The following CEP112 variants were observed in gnomAD, a reference collection of about 807,000 sequenced individuals.
CEP112 encodes the protein centrosomal protein 112.
Under a neutral mutation model 153.0 loss-of-function variants are expected in CEP112, and 127 were observed. That is an observed-to-expected ratio of 0.83 (90% CI 0.72 to 0.96). CEP112 has a LOEUF of 0.96. CEP112 is among the 40% of genes least tolerant of loss of function. The pLI is 0.00. For synonymous variants in CEP112, 358 were observed against 374.4 expected, an observed-to-expected ratio of 0.96 and a Z score of 0.51; for missense variants, 1,089 against 1,101.2, an observed-to-expected ratio of 0.99 and a Z score of 0.16.
intron 21 of CEP112, among the ~76,000 whole-genome samples, chr17:65,753,842 TAG>T (rs1285679992): frequency 1.3e-5 from 2 of 152,218 alleles, no homozygotes; most frequent in Non-Finnish European, 2.9e-5. Context: ...CTAAAAATGC[TAG>T]AGTCACGGAT....
At chr17:65,855,870 C>G (rs975914969) in intron 20 of CEP112, among the ~76,000 whole-genome samples, 1 of 152,086 alleles carries the variant, frequency 6.6e-6, no homozygotes, top group East Asian at 1.9e-4. Context: ...TCAAGACCAG[C>G]CTTGGCAATA....
chr17:66,057,125 T>C (rs186322206), intron 11 of CEP112, among the ~76,000 whole-genome samples: 7 of 152,268 alleles, frequency 4.6e-5, no homozygotes, highest in Admixed American at 3.9e-4. Context: ...ACCAGATTTG[T>C]GTTTGTGAAA....
Position 66,191,308 on chromosome 17 carries a change from G to A in CEP112, c.-9+689C>T, listed in dbSNP as rs1281016996. Among the ~76,000 whole-genome samples the A allele has an allele frequency of 6.6e-6, 1 of 152,160 alleles. No individual in the cohort carries two copies. Among genetic ancestry groups the A allele is most frequent in the Non-Finnish European group, 1.5e-5 (1 of 68,038 alleles). ...TGTGGAGAGGCTCATGGAATTTAAT[G>A]TGCCTTTTCTATCTTATTTTGACTC... On this transcript the variant is annotated intron_variant, in intron 1 of 26. Coordinates refer to ENST00000535342, the MANE Select transcript of CEP112 (RefSeq NM_001199165.4). This position sits in a 1 kb window ranked among gnomAD's most constrained non-coding sequence, Gnocchi z 4.2.
chr17:66,052,784 T>TA (rs34526677), intron 12 of CEP112, among the ~76,000 whole-genome samples: 5 of 151,478 alleles, frequency 3.3e-5, no homozygotes, highest in Admixed American at 1.3e-4. Context: ...GTCTTCCATT[T>TA]AAAAAAAAAT....
intron 18 of CEP112, among the ~76,000 whole-genome samples, chr17:65,933,212 A>G (rs1448412186): frequency 3.9e-5 from 6 of 152,144 alleles, no homozygotes; most frequent in Admixed American, 2.0e-4. Flanking sequence ...TAACTTTCAC[A>G]TAATAGGAGA....
At chr17:65,916,540 T>A (rs1028212790) in intron 19 of CEP112, among the ~76,000 whole-genome samples, 91 of 142,394 alleles carry the variant, frequency 6.4e-4, no homozygotes, top group African/African-American at 2.0e-3. Context: ...AAACAGCTTC[T>A]TTTTTTTTTT....
intron 4 of CEP112, among the ~76,000 whole-genome samples, chr17:66,156,767 G>A (rs919739041): frequency 3.3e-5 from 5 of 151,838 alleles, no homozygotes; most frequent in African/African-American, 9.7e-5. Context: ...TTGATCAAGC[G>A]GAAGAAAGGA....
At chr17:66,161,549 C>T (rs2071707150) in intron 4 of CEP112, among the ~76,000 whole-genome samples, 1 of 152,052 alleles carries the variant, frequency 6.6e-6, no homozygotes, top group African/African-American at 2.4e-5. Context: ...ACGGATGAAG[C>T]TGGAAACCAT....
At chr17:65,942,054 C>G (rs1379811221) in intron 18 of CEP112, among the ~76,000 whole-genome samples, 1 of 152,140 alleles carries the variant, frequency 6.6e-6, no homozygotes, top group Admixed American at 6.5e-5. Context: ...GGGTCCCCAA[C>G]CCCCAGGGCC....
At chr17:65,862,589 AAATAAT>A (rs922598720) in intron 20 of CEP112, among the ~76,000 whole-genome samples, 1 of 152,052 alleles carries the variant, frequency 6.6e-6, no homozygotes, top group South Asian at 2.1e-4. Context: ...TCCACCTCAA[AAATAAT>A]AATAATAATA....
In CEP112 at chr17:66,011,110, C is replaced by T. The variant is rs1428337338; in HGVS notation, c.1657-5341G>A. ...TCCTGGGGTTTTTTTGGTTGGTAGG[C>T]TTTTTATTACTGATTTAATTATGTA... On this transcript the variant is annotated intron_variant, in intron 16 of 26. Coordinates refer to ENST00000535342, the MANE Select transcript of CEP112 (RefSeq NM_001199165.4). 2.6e-5 allele frequency among the ~76,000 whole-genome samples: 4 copies of T among 151,962 alleles called. No homozygotes were observed. The East Asian group carries it at 7.7e-4, about 29-fold the overall frequency.
intron 23 of CEP112, among the ~76,000 whole-genome samples, chr17:65,736,122 C>T (rs1474341778): frequency 6.6e-6 from 1 of 152,034 alleles, no homozygotes; most frequent in Non-Finnish European, 1.5e-5. Flanking sequence ...TGATGATGAT[C>T]TGACCTAGAA....
chr17:65,763,771 C>A (rs2052757442), intron 21 of CEP112, among the ~76,000 whole-genome samples: 1 of 152,024 alleles, frequency 6.6e-6, no homozygotes, highest in African/African-American at 2.4e-5. Context: ...TTTTAAATTC[C>A]TGGTCTGATA....
intron 20 of CEP112, among the ~76,000 whole-genome samples, chr17:65,896,476 C>T (rs1313115667): frequency 6.6e-6 from 1 of 151,946 alleles, no homozygotes; most frequent in Non-Finnish European, 1.5e-5. Flanking sequence ...CAGCATTTTC[C>T]TATATTTTCT....
intron 21 of CEP112, among the ~76,000 whole-genome samples, chr17:65,829,067 T>C (rs2056969860): frequency 1.3e-5 from 2 of 152,202 alleles, no homozygotes; most frequent in African/African-American, 4.8e-5. Context: ...ATCTTGGTAT[T>C]ATTAATTTAA....
intron 20 of CEP112, among the ~76,000 whole-genome samples, chr17:65,867,940 GA>G (rs1049864270): frequency 4.0e-5 from 6 of 148,796 alleles, no homozygotes; most frequent in African/African-American, 1.5e-4. Context: ...TGTTGAAGGG[GA>G]AAAAAAACCC....
At chr17:65,867,203 A>G (rs1378779719) in intron 20 of CEP112, among the ~76,000 whole-genome samples, 1 of 152,132 alleles carries the variant, frequency 6.6e-6, no homozygotes, top group Non-Finnish European at 1.5e-5. Context: ...GAGCTAGCAC[A>G]CCTGGAGCTG....
chr17:66,028,511 G>T, intron 14 of CEP112, 106 bp from the exon 15 acceptor site: 1 of 485,716 alleles, frequency 2.1e-6, no homozygotes. Context: ...AGTCCAATCA[G>T]AATTAAAATT....
At chr17:66,014,203 G>A (rs2064670070) in intron 16 of CEP112, among the ~76,000 whole-genome samples, 1 of 152,170 alleles carries the variant, frequency 6.6e-6, no homozygotes, top group South Asian at 2.1e-4. Context: ...TGCAGTAGAG[G>A]GAGAGTGTGA....
Sources: allele counts gnomAD v4.1 joint callset (sites outside exome capture counted in the v4.1 genomes callset), GRCh38; gene constraint gnomAD v4.1.1; non-coding constraint Gnocchi (gnomAD v3.1); transcripts MANE v1.5; gene names NCBI Gene and HGNC (gene_info 2026-07-23, HGNC 2026-07-21).